POMT2: variants seen among roughly 807,000 people sequenced by gnomAD.
POMT2 encodes protein O-mannosyl-transferase 2.
A neutral mutation model predicts 100.0 loss-of-function variants in POMT2; 75 were observed. That is an observed-to-expected ratio of 0.75 (90% CI 0.62 to 0.91). POMT2 has a LOEUF of 0.91. POMT2 is among the 40% of genes least tolerant of loss of function. The pLI is 0.00. For missense variants in POMT2, 940 were observed against 955.1 expected (o/e 0.98, Z 0.21); for synonymous variants, 378 against 374.1 (o/e 1.01, Z -0.12).
At chr14:77,314,075 T>C (rs1213296026) in intron 1 of POMT2, among the ~76,000 whole-genome samples, 3 of 152,220 alleles carry the variant, frequency 2.0e-5, no homozygotes, top group South Asian at 4.1e-4. Flanking sequence ...TATTTCCTCC[T>C]GGCTTTTATT....
At chr14:77,317,258 T>C (rs1004853959) in intron 1 of POMT2, among the ~76,000 whole-genome samples, 60 of 152,238 alleles carry the variant, frequency 3.9e-4, no homozygotes, top group Non-Finnish European at 2.9e-5. Context: ...ATTAGGACTT[T>C]GTTCCCTTCT....
rs953498837 is a variant in POMT2 at position 77,302,881 on chromosome 14, T to C, written c.610A>G (p.Met204Val). Residue 204 changes from methionine to valine, a missense_variant, in exon 5 of 21, where the codon ATG (methionine) becomes GTG (valine). Transcript: ENST00000261534. ...TTGACCATGCTCAGCATGGCAGCCA[T>C]GATGAAGAACATCAGGATGGGGTCA... is the stretch of plus-strand genomic sequence containing the variant. ...LLDPILMFFI[M>V]AAMLSMVKYN... The C allele has an allele frequency of 3.1e-6, 5 of 1,613,864 alleles. No homozygotes were observed. The highest frequency in any genetic ancestry group is 3.3e-4 in the Middle Eastern group (2 of 6,084).
chr14:77,281,686 G>A (rs896287314), intron 15 of POMT2, among the ~76,000 whole-genome samples: 2 of 152,144 alleles, frequency 1.3e-5, no homozygotes, highest in Non-Finnish European at 2.9e-5. Context: ...CCAACATTTC[G>A]GGCTGGATGA....
At chr14:77,285,679 T>C in intron 12 of POMT2, 47 bp from the exon 13 acceptor site, 4 of 1,580,758 alleles carry the variant, frequency 2.5e-6, no homozygotes, top group South Asian at 1.1e-5. Context: ...GAGGGGACTT[T>C]AGAGAAAACG....
chr14:77,320,468 G>T lies in POMT2; in HGVS notation c.214C>A (p.Arg72Ser). The T allele has an allele frequency of 6.5e-7, 1 of 1,545,632 alleles. No homozygotes were observed. ...ALVTLLSFAT[R>S]FHRLDEPPHI... The stretch of plus-strand genomic sequence containing the variant: ...GGCGGCTCGTCCAAGCGGTGGAAGC[G>T]GGTGGCGAAGGACAGCAGCGTCACC... The change falls in exon 1 of 21, where the codon CGC becomes AGC. Residue 72 changes from arginine to serine, a missense_variant. Physicochemically the swap from Arg to Ser is moderately radical, Grantham distance 110. Coordinates refer to ENST00000261534, the MANE Select transcript of POMT2 (RefSeq NM_013382.7).
chr14:77,307,623 G>C (rs1397551377), intron 2 of POMT2, among the ~76,000 whole-genome samples: 1 of 152,142 alleles, frequency 6.6e-6, no homozygotes, highest in Non-Finnish European at 1.5e-5. Context: ...CTGGTCTAGA[G>C]AGAAGAAATG....
intron 10 of POMT2, among the ~76,000 whole-genome samples, chr14:77,289,817 T>C (rs1890575299): frequency 6.6e-6 from 1 of 152,116 alleles, no homozygotes. Context: ...GGTGATGACA[T>C]GGAAAAGGAG....
Position 77,311,962 on chromosome 14 carries a change from G to A in POMT2, c.320C>T (p.Pro107Leu), listed in dbSNP as rs398124264. 53 of 1,613,878 alleles carry A rather than the reference G, an allele frequency of 3.3e-5. No individual in the cohort carries two copies. The highest frequency in any genetic ancestry group is 5.3e-5 in the African/African-American group (4 of 74,880). The change falls in exon 2 of 21, where the codon CCG (proline) becomes CTG (leucine). Residue 107 changes from proline (P) to leucine (L), a missense_variant. By Grantham distance (98) the Pro-to-Leu change is moderately conservative. Transcript: ENST00000261534. Reference protein sequence around the residue: ...INRTFFFDVHPPLGKMLIGLA... With the variant: ...INRTFFFDVHLPLGKMLIGLA... ...CACACTGCTCACCTTTCCCAGGGGC[G>A]GGTGCACATCAAAGAAAAATGTACG...
rs1890330360 is a variant in POMT2, at chr14:77,284,094, G to C, written c.1577-221C>G. 8 of 573,800 alleles carry C rather than the reference G, an allele frequency of 1.4e-5. No individual in the cohort carries two copies. The South Asian group carries it at 1.5e-4, about 11-fold the overall frequency. 35.5% of individuals were successfully genotyped at this position (573,800 alleles called of 1,614,324 possible). A position where few individuals can be genotyped will look rare whatever the true frequency, so the allele number is the denominator to read the frequency against. ...AAATGCAAAGGAAATAGACAACAAGGTTTCACCTGCTTGGTGCTCCAACAG... is the reference window on the plus strand; with the variant it reads ...AAATGCAAAGGAAATAGACAACAAGCTTTCACCTGCTTGGTGCTCCAACAG... On this transcript the variant is annotated intron_variant, in intron 14 of 20. Coordinates refer to ENST00000261534, the MANE Select transcript of POMT2 (RefSeq NM_013382.7).
intron 13 of POMT2, 123 bp downstream of exon 13, chr14:77,285,358 C>G: frequency 7.5e-7 from 1 of 1,324,568 alleles, no homozygotes; most frequent in Non-Finnish European, 1.1e-6. Context: ...CTCCCTCCAT[C>G]TGCCACTAAG....
At chr14:77,303,521 C>T (rs996416642) in intron 4 of POMT2, among the ~76,000 whole-genome samples, 1 of 152,168 alleles carries the variant, frequency 6.6e-6, no homozygotes, top group African/African-American at 2.4e-5. Context: ...TCTCCCAACA[C>T]CCTCTGCCTC....
chr14:77,277,199 C>T lies in POMT2; in HGVS notation c.*177G>A, dbSNP rs982485617. The T allele has an allele frequency of 1.9e-5, 12 of 642,084 alleles. No homozygotes were observed. The Middle Eastern group carries it at 1.2e-3, about 65-fold the overall frequency. 39.8% of individuals were successfully genotyped at this position (642,084 alleles called of 1,614,324 possible). A position where few individuals can be genotyped will look rare whatever the true frequency, so the allele number is the denominator to read the frequency against. ...TGTGGACGGAGCTGCGGCTCTCTCC[C>T]GGCTCTCTCCAATGCTGGGTTCCAT... On this transcript the variant is annotated 3_prime_UTR_variant, in exon 21 of 21. Transcript: ENST00000261534.
At chr14:77,298,191 C>T (rs535791426) in intron 8 of POMT2, among the ~76,000 whole-genome samples, 65 of 152,284 alleles carry the variant, frequency 4.3e-4, no homozygotes, top group Admixed American at 1.2e-3. Flanking sequence ...TGCCCTTAAC[C>T]GCCCAGCAGC....
chr14:77,301,197 C>G lies in POMT2; in HGVS notation c.709G>C (p.Ala237Pro), dbSNP rs758901445. The G allele has an allele frequency of 1.2e-6, 2 of 1,614,190 alleles. No homozygotes were observed. The highest frequency in any genetic ancestry group is 3.3e-5 in the Admixed American group (2 of 60,026). ...FWLSLTGVSLAGALGVKFVGL... is the reference protein window; with the variant it reads ...FWLSLTGVSLPGALGVKFVGL... ...ACAAACTTGACCCCTAAAGCACCAG[C>G]AAGACTAACGCCAGTCAGGCTGAGC... Residue 237 changes from alanine (A) to proline (P), a missense_variant, in exon 6 of 21, where the codon GCT becomes CCT. Physicochemically the swap from Ala to Pro is conservative, Grantham distance 27 (BLOSUM62 -1). Transcript: ENST00000261534.
At chr14:77,282,913 T>G (rs1165790816) in intron 15 of POMT2, among the ~76,000 whole-genome samples, 1 of 152,166 alleles carries the variant, frequency 6.6e-6, no homozygotes, top group Non-Finnish European at 1.5e-5. Context: ...AGATAGTGAT[T>G]CTTAAACATT....
chr14:77,307,907 G>A (rs1386807758), intron 2 of POMT2, among the ~76,000 whole-genome samples: 2 of 125,862 alleles, frequency 1.6e-5, no homozygotes, highest in Non-Finnish European at 3.1e-5. Context: ...CTGTCACCCA[G>A]GCTGGAGTGC....
chr14:77,278,091 T>C (rs1219570243), intron 20 of POMT2, among the ~76,000 whole-genome samples: 3 of 152,170 alleles, frequency 2.0e-5, no homozygotes, highest in African/African-American at 7.2e-5. Context: ...TGAGAGCTGT[T>C]CTGGCACAGA....
intron 15 of POMT2, among the ~76,000 whole-genome samples, chr14:77,283,472 C>T (rs1594888273): frequency 2.0e-5 from 3 of 152,354 alleles, no homozygotes; most frequent in South Asian, 4.1e-4. Flanking sequence ...GTTCCCTGAC[C>T]TCTTTGTATG....
chr14:77,281,479 G>C (rs1336628049), intron 15 of POMT2, among the ~76,000 whole-genome samples: 2 of 146,312 alleles, frequency 1.4e-5, no homozygotes, highest in Non-Finnish European at 3.1e-5. Flanking sequence ...TAATCCAGCA[G>C]CCAAGAACAT....
Sources: gnomAD v4.1 joint callset for allele counts (sites outside exome capture counted in the v4.1 genomes callset) on GRCh38, gnomAD v4.1.1 for gene constraint, MANE v1.5 for transcripts, NCBI Gene and HGNC (gene_info 2026-07-23, HGNC 2026-07-21) for gene names.